The following ALK variants were observed in gnomAD, a reference collection of about 807,000 sequenced individuals.
ALK encodes ALK receptor tyrosine kinase.
A neutral mutation model predicts 163.1 loss-of-function variants in ALK; 74 were observed. The ratio of observed to expected loss-of-function variants is 0.45; its 90% CI spans 0.38 to 0.55. The LOEUF is 0.55. Among genes scored for constraint, ALK ranks in the 20% least tolerant of loss-of-function variants. The pLI is 0.00. For synonymous variants in ALK, 960 were observed against 843.2 expected (o/e 1.14, Z -2.40); for missense variants, 2,063 against 2,105.3 (o/e 0.98, Z 0.39).
At chr2:29,704,486 T>C (rs1468292791) in intron 2 of ALK, among the ~76,000 whole-genome samples, 1 of 152,194 alleles carries the variant, frequency 6.6e-6, no homozygotes, top group Non-Finnish European at 1.5e-5. Flanking sequence ...TTGTTATTAT[T>C]ATAATTATTC....
intron 4 of ALK, among the ~76,000 whole-genome samples, chr2:29,525,748 G>A (rs1017632684): frequency 7.8e-6 from 1 of 128,122 alleles, no homozygotes; most frequent in African/African-American, 3.0e-5. Flanking sequence ...CTGAGATCAC[G>A]CCACTACACT....
At chr2:29,328,937 G>T (rs889021041) in intron 5 of ALK, among the ~76,000 whole-genome samples, 2 of 152,174 alleles carry the variant, frequency 1.3e-5, no homozygotes, top group African/African-American at 2.4e-5. Context: ...TCTACCACTG[G>T]AGTGACTTAT....
chr2:29,239,757 G>A lies in ALK; in HGVS notation c.2278C>T (p.Leu760=), dbSNP rs1664474627. 6.2e-7 allele frequency: 1 copy of A among 1,613,944 alleles called. No individual in the cohort carries two copies. The highest frequency in any genetic ancestry group is 1.3e-5 in the African/African-American group (1 of 74,928). ...TMMRSHGVSV[L]GIFNLEKDDM... ...TCCTTCTCCAGGTTGAAGATGCCCA[G>A]CACAGACACGCCGTGGGACCGCATC... Residue 760 remains leucine, a synonymous_variant, in exon 13 of 29, where the codon CTG becomes TTG. Transcript: ENST00000389048.
In ALK at chr2:29,233,589, C is replaced by T. The variant is rs371626235; in HGVS notation, c.2463G>A (p.Gly821=). The change falls in exon 14 of 29, where the codon GGG becomes GGA. Residue 821 remains glycine, a synonymous_variant. Transcript: ENST00000389048. ...VHEWAGGGGG[G]GGATYVFKMK... Reference sequence around the variant, plus strand: ...CCTTAAATACGTAGGTGGCTCCACCCCCTCCTCCTCCGCCTCCTGCCCACT... The same window carrying T: ...CCTTAAATACGTAGGTGGCTCCACCTCCTCCTCCTCCGCCTCCTGCCCACT... 4 of 1,614,082 alleles carry T rather than the reference C, an allele frequency of 2.5e-6. No individual in the cohort carries two copies. The highest frequency in any genetic ancestry group is 3.3e-5 in the Admixed American group (2 of 60,000).
At chr2:29,253,064 C>T (rs1664863236) in intron 11 of ALK, among the ~76,000 whole-genome samples, 1 of 152,130 alleles carries the variant, frequency 6.6e-6, no homozygotes, top group Non-Finnish European at 1.5e-5. Context: ...ACAATCATAG[C>T]TCACTGCAGT....
chr2:29,748,115 T>C (rs1680254018), intron 1 of ALK, among the ~76,000 whole-genome samples: 1 of 152,142 alleles, frequency 6.6e-6, no homozygotes, highest in Non-Finnish European at 1.5e-5. Context: ...TTAAAGGGGT[T>C]GCAAGACCCA....
chr2:29,893,443 G>A (rs1394479884), intron 1 of ALK, among the ~76,000 whole-genome samples: 5 of 152,080 alleles, frequency 3.3e-5, no homozygotes, highest in Non-Finnish European at 4.4e-5. Flanking sequence ...AAATGGATGT[G>A]GAAGGGCCAG....
chr2:29,709,279 T>C (rs1186670543), intron 2 of ALK, among the ~76,000 whole-genome samples: 1 of 152,182 alleles, frequency 6.6e-6, no homozygotes, highest in African/African-American at 2.4e-5. Flanking sequence ...CTCAGACACA[T>C]TTCTTTCCTG....
chr2:29,539,768 C>A (rs922866728), intron 3 of ALK, among the ~76,000 whole-genome samples: 1 of 152,128 alleles, frequency 6.6e-6, no homozygotes, highest in Non-Finnish European at 1.5e-5. Flanking sequence ...CTAATGACTT[C>A]TTTTTGTTTG....
At chr2:29,202,950 G>A (rs564190631) in intron 26 of ALK, among the ~76,000 whole-genome samples, 1 of 152,198 alleles carries the variant, frequency 6.6e-6, no homozygotes, top group African/African-American at 2.4e-5. Flanking sequence ...GTCACAGGAT[G>A]TGTGTGTGTT....
At chr2:29,474,098 A>G (rs1224253135) in intron 4 of ALK, among the ~76,000 whole-genome samples, 5 of 152,232 alleles carry the variant, frequency 3.3e-5, no homozygotes, top group Non-Finnish European at 5.9e-5. Flanking sequence ...TATATGCTCC[A>G]AAAGACAAGT....
At chr2:29,764,043 T>A (rs1333099416) in intron 1 of ALK, among the ~76,000 whole-genome samples, 1 of 152,126 alleles carries the variant, frequency 6.6e-6, no homozygotes, top group Non-Finnish European at 1.5e-5. Flanking sequence ...CTCAGAGACA[T>A]CCTGTGACCT....
At position 29,920,352 on chromosome 2, in the gene ALK, C is replaced by G; in HGVS notation, c.308G>C (p.Gly103Ala). ...GGTCCAGGAGACCCCCGGCGCCGGC[C>G]CCAGCAACCTGAGCAGCGGGGCGCA... ...LDCAPLLRLLGPAPGVSWTAG... is the reference protein window; with the variant it reads ...LDCAPLLRLLAPAPGVSWTAG... Residue 103 changes from glycine to alanine, a missense_variant, in exon 1 of 29, where the codon GGG becomes GCG. This residue lies in a region of ALK where 987 missense variants were observed against 939.5 expected (regional missense o/e 1.05). Coordinates refer to ENST00000389048, the MANE Select transcript of ALK (RefSeq NM_004304.5). The G allele has an allele frequency of 6.4e-7, 1 of 1,553,084 alleles. No individual in the cohort carries two copies. Among genetic ancestry groups the G allele is most frequent in the Non-Finnish European group, 8.7e-7 (1 of 1,149,374 alleles).
chr2:29,485,499 T>G (rs984384422), intron 4 of ALK, among the ~76,000 whole-genome samples: 1 of 152,222 alleles, frequency 6.6e-6, no homozygotes, highest in South Asian at 2.1e-4. Flanking sequence ...CCTGTATCTA[T>G]TCAAGTATAT....
intron 1 of ALK, among the ~76,000 whole-genome samples, chr2:29,885,414 T>A (rs1558533517): frequency 6.6e-6 from 1 of 152,198 alleles, no homozygotes; most frequent in Non-Finnish European, 1.5e-5. Flanking sequence ...CACCATTGAA[T>A]ATGCCACTGT....
intron 1 of ALK, among the ~76,000 whole-genome samples, chr2:29,791,471 G>A (rs1664187291): frequency 6.6e-6 from 1 of 152,108 alleles, no homozygotes. Flanking sequence ...ACACACCAGG[G>A]CCTGTCGAGG....
At chr2:29,787,548 G>A (rs956724006) in intron 1 of ALK, among the ~76,000 whole-genome samples, 5 of 152,182 alleles carry the variant, frequency 3.3e-5, no homozygotes, top group African/African-American at 1.2e-4. Context: ...AGCGGTCCAT[G>A]GGACGTATGC....
At chr2:29,826,950 GC>G (rs1157435802) in intron 1 of ALK, among the ~76,000 whole-genome samples, 1 of 152,242 alleles carries the variant, frequency 6.6e-6, no homozygotes, top group African/African-American at 2.4e-5. Flanking sequence ...TGTTAATAGT[GC>G]AGCATTTCAA....
chr2:29,548,765 T>C (rs191023101), intron 3 of ALK, among the ~76,000 whole-genome samples: 134 of 152,284 alleles, frequency 8.8e-4, no homozygotes, highest in African/African-American at 3.1e-3. Context: ...AACAAAAAAG[T>C]GGGCAACTCA....
Sources: gnomAD v4.1 joint callset for allele counts (sites outside exome capture counted in the v4.1 genomes callset) on GRCh38, gnomAD v4.1.1 for gene constraint, gnomAD v4.1.1 regional missense constraint, MANE v1.5 for transcripts, NCBI Gene and HGNC (gene_info 2026-07-23, HGNC 2026-07-21) for gene names.